PLOD1: variants seen among roughly 807,000 people sequenced by gnomAD.
PLOD1 encodes the protein procollagen-lysine,2-oxoglutarate 5-dioxygenase 1.
PLOD1 carries 70 observed loss-of-function variants against 94.7 expected under a neutral mutation model. The observed-to-expected ratio is 0.74, with a 90% CI of 0.61 to 0.90. PLOD1 has a LOEUF of 0.90. PLOD1 is among the 40% of genes least tolerant of loss of function. The pLI, the probability that PLOD1 is intolerant of heterozygous loss-of-function variation, is 0.00. For missense variants in PLOD1, 905 were observed against 972.7 expected, an observed-to-expected ratio of 0.93 and a Z score of 0.93; for synonymous variants, 417 against 400.2, an observed-to-expected ratio of 1.04 and a Z score of -0.50.
intron 18 of PLOD1, 119 bp downstream of exon 18, chr1:11,973,116 G>A (rs1645878581): frequency 3.4e-5 from 36 of 1,043,678 alleles, no homozygotes; most frequent in Admixed American, 2.8e-4. Context: ...CAGAGAACCA[G>A]AAAAAAAAGG....
At chr1:11,954,521 T>G (rs1645724868) in intron 5 of PLOD1, 8 of 648,422 alleles carry the variant, frequency 1.2e-5, no homozygotes, top group South Asian at 1.1e-4. Context: ...TATGTGCGTG[T>G]AGTGGAGTGC....
chr1:11,941,604 T>C (rs1432509764), intron 1 of PLOD1, among the ~76,000 whole-genome samples: 1 of 151,950 alleles, frequency 6.6e-6, no homozygotes, highest in Non-Finnish European at 1.5e-5. Flanking sequence ...CTCAGCCTCC[T>C]GAATAGCAGG....
Position 11,972,723 on chromosome 1 carries a change from G to A in PLOD1, c.1903-149G>A, listed in dbSNP as rs1296249608. ...CCTTTTCTGTGCCAGGTAGTTGCAG[G>A]CACTCGAGCATAGAGCCCCATGTAG... On this transcript the variant is annotated intron_variant, in intron 17 of 18. Transcript: ENST00000196061. The surrounding 1 kb of genome is among the most constrained non-coding windows in gnomAD (Gnocchi z 4.6). The A allele has an allele frequency of 2.5e-5, 19 of 766,652 alleles. No individual in the cohort carries two copies. Among genetic ancestry groups the A allele is most frequent in the Admixed American group, 1.2e-4 (6 of 51,952 alleles). 47.5% of individuals were successfully genotyped at this position (766,652 alleles called of 1,614,324 possible). A position where few individuals can be genotyped will look rare whatever the true frequency, so the allele number is the denominator to read the frequency against.
intron 1 of PLOD1, among the ~76,000 whole-genome samples, chr1:11,936,353 G>C (rs532188864): frequency 6.6e-6 from 1 of 151,402 alleles, no homozygotes; most frequent in South Asian, 2.1e-4. Context: ...GGGCTGTCCC[G>C]AGAAGGGCAT....
chr1:11,957,244 G>T lies in PLOD1; in HGVS notation c.741+230G>T, dbSNP rs1160848783. The stretch of plus-strand genomic sequence containing the variant: ...CTGGTCACAGGACACGTAGGAGGCT[G>T]CCATCCCCTTCCAGGCCTAGGCTGG... On this transcript the variant is annotated intron_variant, in intron 7 of 18. Transcript: ENST00000196061. The surrounding 1 kb of genome is among the most constrained non-coding windows in gnomAD (Gnocchi z 4.1). 3 of 727,032 alleles carry T rather than the reference G, an allele frequency of 4.1e-6. No individual in the cohort carries two copies. Among genetic ancestry groups the T allele is most frequent in the Non-Finnish European group, 7.8e-6 (3 of 386,798 alleles). 45.0% of individuals were successfully genotyped at this position (727,032 alleles called of 1,614,324 possible).
At chr1:11,956,895 G>A (rs1303359037) in intron 6 of PLOD1, 22 bp from the exon 7 acceptor site, 1 of 1,547,896 alleles carries the variant, frequency 6.5e-7, no homozygotes, top group South Asian at 1.1e-5. Flanking sequence ...TGCTGGGTGG[G>A]ACTGTGCTTT....
chr1:11,944,751 G>C, intron 1 of PLOD1: 1 of 1,032,660 alleles, frequency 9.7e-7, no homozygotes, highest in Non-Finnish European at 1.3e-6. Flanking sequence ...ATCCCTGCTG[G>C]GCCGCCTGGC....
At position 11,962,131 on chromosome 1, in the gene PLOD1, T is replaced by C. The variant is rs769383929; in HGVS notation, c.1097+1364T>C. 3.2e-4 allele frequency among the ~76,000 whole-genome samples: 49 copies of C among 152,116 alleles called. No homozygotes were observed. The Middle Eastern group carries it at 0.01, about 32-fold the overall frequency. On this transcript the variant is annotated intron_variant, in intron 10 of 18. Coordinates refer to ENST00000196061, the MANE Select transcript of PLOD1 (RefSeq NM_000302.4). ...TTTTTGTAGAGACAGGATCTTGCTA[T>C]GTTGCCCAGGCTGGTCTCAAACTCC...
chr1:11,965,291 A>T (rs552718780), intron 13 of PLOD1, among the ~76,000 whole-genome samples, 189 bp from the exon 14 acceptor site: 2 of 151,866 alleles, frequency 1.3e-5, no homozygotes, highest in East Asian at 3.9e-4. Context: ...CCCTGATCAC[A>T]TTCTTAGTGT....
chr1:11,966,597 G>A (rs1254471601), intron 15 of PLOD1, among the ~76,000 whole-genome samples: 2 of 152,034 alleles, frequency 1.3e-5, no homozygotes, highest in African/African-American at 2.4e-5. Flanking sequence ...AGTCTGCAGG[G>A]CCTCTCTACC....
chr1:11,934,845 C>T lies in PLOD1; in HGVS notation c.66C>T (p.Ala22=), dbSNP rs1200876261. The T allele has an allele frequency of 6.5e-7, 1 of 1,539,172 alleles. No homozygotes were observed. The highest frequency in any genetic ancestry group is 8.7e-7 in the Non-Finnish European group (1 of 1,145,506). The stretch of plus-strand genomic sequence containing the variant: ...TGCTGGCCGAAGCGAAGGGCGACGC[C>T]AAGCCGGAGGGTGAGGGAGCGAAGG... ...WLLLAEAKGD[A]KPEDNLLVLT... is the part of the protein sequence containing the mutation. The change falls in exon 1 of 19, where the codon GCC becomes GCT. Residue 22 remains alanine, a synonymous_variant. Transcript: ENST00000196061.
chr1:11,937,832 G>T (rs948612825), intron 1 of PLOD1, among the ~76,000 whole-genome samples: 3 of 151,922 alleles, frequency 2.0e-5, no homozygotes, highest in African/African-American at 4.8e-5. Flanking sequence ...ATGCACAAGA[G>T]AGCAGATCCC....
At chr1:11,947,282 C>T (rs572233881) in intron 1 of PLOD1, among the ~76,000 whole-genome samples, 1 of 150,172 alleles carries the variant, frequency 6.7e-6, no homozygotes, top group African/African-American at 2.5e-5. Flanking sequence ...AAAAACAACC[C>T]AGCTCTCTTG....
chr1:11,956,866 G>A (rs377072799), intron 6 of PLOD1, 51 bp from the exon 7 acceptor site: 15 of 1,283,418 alleles, frequency 1.2e-5, no homozygotes, highest in Admixed American at 1.7e-5. Flanking sequence ...TGGACCCTGA[G>A]CCTGACCTCT....
In PLOD1 at chr1:11,960,733, C is replaced by T. The variant is rs775007891; in HGVS notation, c.1063C>T (p.Arg355Trp). 2.2e-5 allele frequency: 36 copies of T among 1,613,200 alleles called. No homozygotes were observed. The South Asian group carries it at 2.6e-4, about 12-fold the overall frequency. Residue 355 changes from arginine (R) to tryptophan (W), a missense_variant, in exon 10 of 19, where the codon CGG (arginine) becomes TGG (tryptophan). Physicochemically the swap from Arg to Trp is moderately radical, Grantham distance 101 (BLOSUM62 -3). Transcript: ENST00000196061. ...QSVKLVGPEV[R>W]MANADARNMG... is the part of the protein sequence containing the mutation. ...TGTGAAGCTGGTGGGCCCTGAGGTG[C>T]GGATGGCGAATGCAGATGCCAGGAA...
intron 10 of PLOD1, among the ~76,000 whole-genome samples, chr1:11,962,080 C>T (rs929410328): frequency 2.6e-5 from 4 of 152,016 alleles, no homozygotes; most frequent in Admixed American, 6.6e-5. Context: ...TGAGCCACTG[C>T]GCCTGGTTAA....
intron 14 of PLOD1, 37 bp from the exon 15 acceptor site, chr1:11,966,214 A>G (rs777545983): frequency 2.0e-6 from 3 of 1,518,352 alleles, no homozygotes; most frequent in East Asian, 4.6e-5. Flanking sequence ...AGTTGAGCCA[A>G]TGGTGAGGAC....
Position 11,972,987 on chromosome 1 carries a change from T to C in PLOD1, c.2018T>C (p.Val673Ala), listed in dbSNP as rs1272027205. The C allele has an allele frequency of 6.2e-7, 1 of 1,613,224 alleles. No individual in the cohort carries two copies. The highest frequency in any genetic ancestry group is 8.5e-7 in the Non-Finnish European group (1 of 1,179,826). The stretch of plus-strand genomic sequence containing the variant: ...AACATCGCCCTGAACCGAGTCGGGG[T>C]GGATTACGAGGTGAGCAGGAGCCAG... ...TINIALNRVG[V>A]DYEGGGCRFL... Residue 673 changes from valine to alanine, a missense_variant, in exon 18 of 19, where the codon GTG becomes GCG. Physicochemically the swap from Val to Ala is moderately conservative, Grantham distance 64. Coordinates refer to ENST00000196061, the MANE Select transcript of PLOD1 (RefSeq NM_000302.4). This position sits in a 1 kb window ranked among gnomAD's most constrained non-coding sequence, Gnocchi z 4.6.
rs1262158876 is a variant in PLOD1 at position 11,974,039 on chromosome 1, G to GT, written c.2029-613dup. 2.6e-5 allele frequency among the ~76,000 whole-genome samples: 4 copies of GT among 152,200 alleles called. No homozygotes were observed. In the East Asian group the frequency reaches 7.7e-4, roughly 29 times the overall value. ...GAAGCTTGATCCTCAGCTCTCAATT[G>GT]TAACATCTCATTTAATTCTCACTAT... On this transcript the variant is annotated intron_variant, in intron 18 of 18. Coordinates refer to ENST00000196061, the MANE Select transcript of PLOD1 (RefSeq NM_000302.4).
Sources: gnomAD v4.1 joint callset for allele counts (sites outside exome capture counted in the v4.1 genomes callset) on GRCh38, gnomAD v4.1.1 for gene constraint, Gnocchi (gnomAD v3.1) non-coding constraint, MANE v1.5 for transcripts, NCBI Gene and HGNC (gene_info 2026-07-23, HGNC 2026-07-21) for gene names.